The following MACROD2 variants were observed in gnomAD, a reference collection of about 807,000 sequenced individuals.
The protein encoded by MACROD2 is mono-ADP ribosylhydrolase 2, also known as ADP-ribose glycohydrolase MACROD2.
In MACROD2, 36 loss-of-function variants were observed where a neutral mutation model predicts 70.4. That is an observed-to-expected ratio of 0.51 (90% CI 0.39 to 0.68). The LOEUF is 0.68. Among genes scored for constraint, MACROD2 ranks in the 30% least tolerant of loss-of-function variants. The pLI, the probability that MACROD2 is intolerant of heterozygous loss-of-function variation, is 0.00. For synonymous variants in MACROD2, 172 were observed against 178.8 expected, an observed-to-expected ratio of 0.96 and a Z score of 0.30; for missense variants, 496 against 538.4, an observed-to-expected ratio of 0.92 and a Z score of 0.78.
chr20:15,798,361 C>T (rs543815676), intron 8 of MACROD2, among the ~76,000 whole-genome samples: 37 of 152,224 alleles, frequency 2.4e-4, no homozygotes, highest in Admixed American at 1.9e-3. Flanking sequence ...CTAGGATACC[C>T]GCTCTGCCCT....
intron 4 of MACROD2, among the ~76,000 whole-genome samples, chr20:14,568,645 A>C (rs1423396764): frequency 6.6e-6 from 1 of 152,072 alleles, no homozygotes; most frequent in East Asian, 1.9e-4. Flanking sequence ...AAAAATTATT[A>C]TATGGGTTTG....
chr20:15,975,244 A>G (rs556154753), intron 13 of MACROD2, among the ~76,000 whole-genome samples: 1 of 152,130 alleles, frequency 6.6e-6, no homozygotes, highest in Admixed American at 6.5e-5. Context: ...AGTACACAAA[A>G]TTAGTGGAAA....
intron 8 of MACROD2, among the ~76,000 whole-genome samples, chr20:15,508,097 G>A (rs1311408902): frequency 6.6e-6 from 1 of 152,046 alleles, no homozygotes; most frequent in African/African-American, 2.4e-5. Context: ...CAAGGCCTTG[G>A]GGTGCTCTAG....
Position 15,227,255 on chromosome 20 carries a change from C to T in MACROD2, c.419-2685C>T, listed in dbSNP as rs6110554. Among the ~76,000 whole-genome samples, 972 of 152,134 alleles carry T rather than the reference C, an allele frequency of 6.4e-3. 10 individuals carry two copies. Among genetic ancestry groups the T allele is most frequent in the African/African-American group, 0.023 (940 of 41,494 alleles). The stretch of plus-strand genomic sequence containing the variant: ...ATAAATTTCATTTAAGTTTTATAGA[C>T]GATGATGACTAAAGGAAAGCAAAGG... On this transcript the variant is annotated intron_variant, in intron 5 of 17. Coordinates refer to ENST00000684519, the MANE Select transcript of MACROD2 (RefSeq NM_001351661.2).
chr20:16,017,807 A>T (rs2066949200), intron 15 of MACROD2, among the ~76,000 whole-genome samples: 1 of 152,190 alleles, frequency 6.6e-6, no homozygotes, highest in African/African-American at 2.4e-5. Context: ...TACTTACAAA[A>T]TATTTGGAGA....
At chr20:14,034,197 A>T (rs2053280506) in intron 2 of MACROD2, among the ~76,000 whole-genome samples, 2 of 152,050 alleles carry the variant, frequency 1.3e-5, no homozygotes, top group Admixed American at 1.3e-4. Flanking sequence ...GATGGCTACG[A>T]TCTCCTGACC....
At chr20:14,971,881 G>A (rs113918492) in intron 5 of MACROD2, among the ~76,000 whole-genome samples, 4 of 152,120 alleles carry the variant, frequency 2.6e-5, no homozygotes, top group African/African-American at 9.7e-5. Flanking sequence ...CCGCCATGTT[G>A]GACATGCCTA....
chr20:15,823,275 CGTGTGTGTGTGTGTGTGTGT>C (rs11471023), intron 8 of MACROD2, among the ~76,000 whole-genome samples: 3 of 128,644 alleles, frequency 2.3e-5, no homozygotes, highest in Non-Finnish European at 3.3e-5. Flanking sequence ...GTGAGCTCTT[CGTGTGTGTGTGTGTGTGTGT>C]GTGTGTGTGT....
chr20:14,975,485 GCAGGGTACCTTCGA>G (rs1432806879), intron 5 of MACROD2, among the ~76,000 whole-genome samples: 1 of 152,124 alleles, frequency 6.6e-6, no homozygotes, highest in East Asian at 1.9e-4. Flanking sequence ...GCGCAGGGAA[GCAGGGTACCTTCGA>G]CAGGTGGGTT....
intron 5 of MACROD2, among the ~76,000 whole-genome samples, chr20:14,697,351 A>C: frequency 1.3e-5 from 2 of 152,350 alleles, no homozygotes; most frequent in East Asian, 1.9e-4. Flanking sequence ...AAATGGTCAG[A>C]GCTTTGTACA....
chr20:15,929,210 C>G (rs2147309401), intron 10 of MACROD2, among the ~76,000 whole-genome samples: 1 of 152,254 alleles, frequency 6.6e-6, no homozygotes, highest in Admixed American at 6.5e-5. Context: ...CAAACTTGCT[C>G]CATGTATCTC....
chr20:14,514,776 C>T (rs1379756797), intron 4 of MACROD2, among the ~76,000 whole-genome samples: 1 of 152,054 alleles, frequency 6.6e-6, no homozygotes, highest in Non-Finnish European at 1.5e-5. Context: ...ACCTAGGATA[C>T]AATGGATGCC....
At chr20:15,528,486 A>G (rs2047751702) in intron 8 of MACROD2, among the ~76,000 whole-genome samples, 2 of 152,172 alleles carry the variant, frequency 1.3e-5, no homozygotes, top group African/African-American at 4.8e-5. Context: ...CAATGCACAG[A>G]ACAGTCTCTT....
chr20:14,822,656 A>G (rs1347150180), intron 5 of MACROD2, among the ~76,000 whole-genome samples: 4 of 152,142 alleles, frequency 2.6e-5, no homozygotes, highest in Non-Finnish European at 5.9e-5. Context: ...TTTCACCATG[A>G]AACTATCTGA....
chr20:15,317,330 G>C (rs1166900130), intron 6 of MACROD2, among the ~76,000 whole-genome samples: 1 of 151,966 alleles, frequency 6.6e-6, no homozygotes, highest in Non-Finnish European at 1.5e-5. Flanking sequence ...AATATCATAA[G>C]AGAATATTCG....
intron 5 of MACROD2, among the ~76,000 whole-genome samples, chr20:14,914,030 C>T (rs1421512600): frequency 6.6e-6 from 1 of 152,136 alleles, no homozygotes; most frequent in Non-Finnish European, 1.5e-5. Flanking sequence ...AATTTGCAGC[C>T]TTCCTTATAT....
At chr20:14,883,575 A>G (rs1180132334) in intron 5 of MACROD2, among the ~76,000 whole-genome samples, 1 of 148,906 alleles carries the variant, frequency 6.7e-6, no homozygotes, top group Admixed American at 6.9e-5. Flanking sequence ...ACTTGAAATG[A>G]ACTGTCTATA....
chr20:14,430,459 G>A (rs79601049), intron 3 of MACROD2, among the ~76,000 whole-genome samples: 2,663 of 152,246 alleles, frequency 0.017, 68 homozygotes, highest in African/African-American at 0.06. Flanking sequence ...TTAGCAATCG[G>A]TTTGATATGG....
At chr20:14,194,848 G>T (rs1342505391) in intron 3 of MACROD2, among the ~76,000 whole-genome samples, 1 of 152,178 alleles carries the variant, frequency 6.6e-6, no homozygotes, top group Non-Finnish European at 1.5e-5. Context: ...ATCAAGCAGT[G>T]TAAACATACC....
Sources: gnomAD v4.1 joint callset for allele counts (sites outside exome capture counted in the v4.1 genomes callset) on GRCh38, gnomAD v4.1.1 for gene constraint, MANE v1.5 for transcripts, NCBI Gene and HGNC (gene_info 2026-07-23, HGNC 2026-07-21) for gene names.